Variants in HMX2 observed in about 807,000 individuals in gnomAD.
HMX2 encodes H6 family homeobox 2, also known as homeobox protein HMX2.
In HMX2, 15 loss-of-function variants were observed where a neutral mutation model predicts 21.2. That is an observed-to-expected ratio of 0.71 (90% CI 0.47 to 1.09). The LOEUF (loss-of-function observed/expected upper bound fraction) is 1.09. Ranked by LOEUF, HMX2 falls within the 50% of genes least tolerant of loss-of-function variation. HMX2 has a pLI of 0.00. For synonymous variants in HMX2, 193 were observed against 181.0 expected (o/e 1.07, Z -0.53); for missense variants, 440 against 381.5 (o/e 1.15, Z -1.28).
chr10:123,148,999 G>C lies in HMX2; in HGVS notation c.268+353G>C, dbSNP rs538195481. 1.4e-3 allele frequency among the ~76,000 whole-genome samples: 213 copies of C among 152,046 alleles called. 1 individual carries two copies. The highest frequency in any genetic ancestry group is 4.9e-3 in the African/African-American group (205 of 41,464). On this transcript the variant is annotated intron_variant, in intron 1 of 1. Coordinates refer to ENST00000339992, the MANE Select transcript of HMX2 (RefSeq NM_005519.2). ...AGGTGGAGATCTGCAAGTCGGGTCT[G>C]GGCAGTCTGTCTCCACCGTAATCTC...
rs764417839 is a variant in HMX2, at chr10:123,148,577, TGCCCAGACCAGCACG to T, written c.204_218del (p.Asp69_Pro73del). On this transcript the variant is annotated inframe_deletion, in exon 1 of 2. Transcript: ENST00000339992. ...CGGCTGGAAGGCGCCCGCCTGCTTC[TGCCCAGACCAGCACG>T]GCCCTAAGGAGCAGGGCCCCAAGCA... 6.8e-5 allele frequency: 110 copies of T among 1,613,472 alleles called. 2 individuals are homozygous for T. In the South Asian group the frequency reaches 1.1e-3, roughly 17 times the overall value.
rs1381897105 is a variant in HMX2 at position 123,150,098 on chromosome 10, A to G, written c.797A>G (p.Asn266Ser). 25 of 1,575,532 alleles carry G rather than the reference A, an allele frequency of 1.6e-5. No homozygotes were observed. The highest frequency in any genetic ancestry group is 2.1e-5 in the Non-Finnish European group (25 of 1,165,366). The change falls in exon 2 of 2, where the codon AAC becomes AGC. Residue 266 changes from asparagine to serine, a missense_variant. By Grantham distance (46) the Asn-to-Ser change is conservative. Transcript: ENST00000339992. This position sits in a 1 kb window ranked among gnomAD's most constrained non-coding sequence, Gnocchi z 4.2. Reference protein sequence around the residue: ...GSNLSALPLYNLYNKLDY With the variant: ...GSNLSALPLYSLYNKLDY ...AACCTCTCGGCCTTACCTCTCTACA[A>G]CCTATACAACAAGCTCGACTACTGA...
rs1844241465 is a variant in HMX2 at position 123,149,351 on chromosome 10, CAG to C, written c.269-215_269-214del. Among the ~76,000 whole-genome samples the C allele has an allele frequency of 6.6e-6, 1 of 152,200 alleles. No homozygotes were observed. Among genetic ancestry groups the C allele is most frequent in the South Asian group, 2.1e-4 (1 of 4,830 alleles). On this transcript the variant is annotated intron_variant, in intron 1 of 1. Coordinates refer to ENST00000339992, the MANE Select transcript of HMX2 (RefSeq NM_005519.2). The surrounding 1 kb of genome is among the most constrained non-coding windows in gnomAD (Gnocchi z 5.4). Reference sequence around the variant, plus strand: ...TGGCCCATTCATAAAGGTGGGAGCACAGAGACCCCATACTCCAAGTAGCTGGG... The same window carrying C: ...TGGCCCATTCATAAAGGTGGGAGCACAGACCCCATACTCCAAGTAGCTGGG...
chr10:123,150,234 C>A lies in HMX2; in HGVS notation c.*111C>A. ...GTGTTTCCAGAAATATGAAGAAATA[C>A]ACCATGTGTATTCATTAGCTCTTAT... On this transcript the variant is annotated 3_prime_UTR_variant, in exon 2 of 2. Transcript: ENST00000339992. The surrounding 1 kb of genome is among the most constrained non-coding windows in gnomAD (Gnocchi z 4.2). 1 of 873,482 alleles carries A rather than the reference C, an allele frequency of 1.1e-6. No individual in the cohort carries two copies. The highest frequency in any genetic ancestry group is 1.7e-6 in the Non-Finnish European group (1 of 586,784). The allele number at this position is 873,482 out of a possible 1,614,324, so 54.1% of individuals were successfully genotyped here.
Position 123,149,725 on chromosome 10 carries a change from G to A in HMX2, c.424G>A (p.Glu142Lys), listed in dbSNP as rs1324869911. ...GSERPRDGGA[E>K]RQAGAAKKKT... is the part of the protein sequence containing the mutation. ...CGAGCGGCCGCGGGACGGCGGCGCT[G>A]AGCGGCAGGCCGGCGCGGCCAAGAA... The change falls in exon 2 of 2, where the codon GAG becomes AAG. Residue 142 changes from glutamate to lysine, a missense_variant. By Grantham distance (56) the Glu-to-Lys change is moderately conservative (BLOSUM62 1). Coordinates refer to ENST00000339992, the MANE Select transcript of HMX2 (RefSeq NM_005519.2). The surrounding 1 kb of genome is among the most constrained non-coding windows in gnomAD (Gnocchi z 5.4). The A allele has an allele frequency of 1.3e-6, 2 of 1,544,176 alleles. No individual in the cohort carries two copies. The highest frequency in any genetic ancestry group is 2.1e-5 in the Admixed American group (1 of 48,428).
At position 123,149,941 on chromosome 10, in the gene HMX2, G is replaced by A; in HGVS notation, c.640G>A (p.Ala214Thr). 1 of 1,612,216 alleles carries A rather than the reference G, an allele frequency of 6.2e-7. No homozygotes were observed. The highest frequency in any genetic ancestry group is 8.5e-7 in the Non-Finnish European group (1 of 1,179,676). The stretch of plus-strand genomic sequence containing the variant: ...GCGGCAGCTCTCGGCTGAGCTGGAG[G>A]CGGCCAACATGGCGCACGCGTCGGC... The part of the protein sequence containing the change: ...WKRQLSAELE[A>T]ANMAHASAQT... Residue 214 changes from alanine to threonine, a missense_variant, in exon 2 of 2, where the codon GCG becomes ACG. By Grantham distance (58) the Ala-to-Thr change is moderately conservative. Coordinates refer to ENST00000339992, the MANE Select transcript of HMX2 (RefSeq NM_005519.2). This position sits in a 1 kb window ranked among gnomAD's most constrained non-coding sequence, Gnocchi z 5.4.
Position 123,149,782 on chromosome 10 carries a change from G to A in HMX2, c.481G>A (p.Val161Met). 1 of 1,606,580 alleles carries A rather than the reference G, an allele frequency of 6.2e-7. No individual in the cohort carries two copies. The highest frequency in any genetic ancestry group is 8.5e-7 in the Non-Finnish European group (1 of 1,176,290). ...KTRTVFSRSQVYQLESTFDMK... is the reference protein window; with the variant it reads ...KTRTVFSRSQMYQLESTFDMK... ...GCGCACCGTCTTTTCGCGCAGCCAG[G>A]TGTACCAGCTCGAGTCCACCTTCGA... Residue 161 changes from valine (V) to methionine (M), a missense_variant, in exon 2 of 2, where the codon GTG (valine) becomes ATG (methionine). Physicochemically the swap from Val to Met is conservative, Grantham distance 21. Transcript: ENST00000339992. This position sits in a 1 kb window ranked among gnomAD's most constrained non-coding sequence, Gnocchi z 5.4.
rs533498647 is a variant in HMX2, at chr10:123,150,296, C to T, written c.*173C>T. On this transcript the variant is annotated 3_prime_UTR_variant, in exon 2 of 2. Coordinates refer to ENST00000339992, the MANE Select transcript of HMX2 (RefSeq NM_005519.2). This position sits in a 1 kb window ranked among gnomAD's most constrained non-coding sequence, Gnocchi z 4.2. ...GCCCTACTTTTTGTTTTGATTGTTT[C>T]GGGTATTTATTGGCATTCCCTAAGT... The T allele has an allele frequency of 3.8e-4, 224 of 584,868 alleles. No homozygotes were observed. In the African/African-American group the frequency reaches 3.9e-3, roughly 10 times the overall value. The allele number at this position is 584,868 out of a possible 1,614,324, so 36.2% of individuals were successfully genotyped here.
Position 123,150,016 on chromosome 10 carries a change from C to A in HMX2, c.715C>A (p.Arg239Ser), listed in dbSNP as rs1191305875. ...GGTGTTCCGGGACAGTTCGCTGCTG[C>A]GCGTGCCGGTGCCGCGCTCGCTCGC... ...PLVFRDSSLL[R>S]VPVPRSLAFP... Residue 239 changes from arginine to serine, a missense_variant, in exon 2 of 2, where the codon CGC becomes AGC. Physicochemically the swap from Arg to Ser is moderately radical, Grantham distance 110. Coordinates refer to ENST00000339992, the MANE Select transcript of HMX2 (RefSeq NM_005519.2). This position sits in a 1 kb window ranked among gnomAD's most constrained non-coding sequence, Gnocchi z 4.2. The A allele has an allele frequency of 6.2e-7, 1 of 1,608,770 alleles. No individual in the cohort carries two copies. The highest frequency in any genetic ancestry group is 8.5e-7 in the Non-Finnish European group (1 of 1,178,688).
At position 123,148,457 on chromosome 10, in the gene HMX2, GGCGGGGGCCCCTCGGAGGCACC is replaced by G; in HGVS notation, c.85_106del (p.Gly29SerfsTer135). 6.2e-7 allele frequency: 1 copy of G among 1,613,228 alleles called. No homozygotes were observed. The highest frequency in any genetic ancestry group is 8.5e-7 in the Non-Finnish European group (1 of 1,179,576). On this transcript the variant is annotated frameshift_variant, in exon 1 of 2. Transcript: ENST00000339992. LOFTEE classifies it high-confidence loss of function. ...CAGCTTCACCATCCAGTCCATCCTG[GGCGGGGGCCCCTCGGAGGCACC>G]GCGGGAGCCCGTCGGCTGGCCAGCC... is the stretch of plus-strand genomic sequence containing the variant.
chr10:123,148,694 G>A (rs771719692), intron 1 of HMX2, 48 bp downstream of exon 1: 54 of 1,577,524 alleles, frequency 3.4e-5, no homozygotes, highest in Non-Finnish European at 4.1e-5. Flanking sequence ...CGCGAGGGGA[G>A]GGAGGCTGAG....
Position 123,149,795 on chromosome 10 carries a change from A to G in HMX2, c.494A>G (p.Glu165Gly). 11 of 1,610,424 alleles carry G rather than the reference A, an allele frequency of 6.8e-6. No homozygotes were observed. Among genetic ancestry groups the G allele is most frequent in the South Asian group, 1.1e-5 (1 of 90,864 alleles). ...VFSRSQVYQL[E>G]STFDMKRYLS... ...TCGCGCAGCCAGGTGTACCAGCTCG[A>G]GTCCACCTTCGACATGAAGCGCTAC... Residue 165 changes from glutamate (E) to glycine (G), a missense_variant, in exon 2 of 2, where the codon GAG becomes GGG. Glu to Gly is a moderately conservative substitution (Grantham distance 98). Coordinates refer to ENST00000339992, the MANE Select transcript of HMX2 (RefSeq NM_005519.2). This position sits in a 1 kb window ranked among gnomAD's most constrained non-coding sequence, Gnocchi z 5.4.
Position 123,150,199 on chromosome 10 carries a change from G to A in HMX2, c.*76G>A. 8.0e-7 allele frequency: 1 copy of A among 1,247,956 alleles called. No homozygotes were observed. The highest frequency in any genetic ancestry group is 1.1e-6 in the Non-Finnish European group (1 of 927,236). 77.3% of individuals were successfully genotyped at this position (1,247,956 alleles called of 1,614,324 possible). On this transcript the variant is annotated 3_prime_UTR_variant, in exon 2 of 2. Coordinates refer to ENST00000339992, the MANE Select transcript of HMX2 (RefSeq NM_005519.2). This position sits in a 1 kb window ranked among gnomAD's most constrained non-coding sequence, Gnocchi z 4.2. ...ACTGTACTGTAAGCAGGGCTCCGGAGCAAGGCGGCGTGTTTCCAGAAATAT... is the reference window on the plus strand; with the variant it reads ...ACTGTACTGTAAGCAGGGCTCCGGAACAAGGCGGCGTGTTTCCAGAAATAT...
At chr10:123,148,730 G>C (rs1157298959) in intron 1 of HMX2, 84 bp downstream of exon 1, 5 of 1,511,944 alleles carry the variant, frequency 3.3e-6, no homozygotes, top group Non-Finnish European at 3.5e-6. Flanking sequence ...CCCGCGCCGG[G>C]CCCCCTCTGG....
chr10:123,148,203 G>A lies in HMX2; in HGVS notation c.-176G>A, dbSNP rs947418019. The A allele has an allele frequency of 9.6e-5, 64 of 664,344 alleles. No homozygotes were observed. The highest frequency in any genetic ancestry group is 1.5e-4 in the East Asian group (5 of 33,346). 41.2% of individuals were successfully genotyped at this position (664,344 alleles called of 1,614,324 possible). A position where few individuals can be genotyped will look rare whatever the true frequency, so the allele number is the denominator to read the frequency against. On this transcript the variant is annotated 5_prime_UTR_variant, in exon 1 of 2. Transcript: ENST00000339992. ...GGCAGGAACCCCTGCGCAGCCATCC[G>A]GTGCCTGCATGTCCCTGGCGCGGAA...
At position 123,149,234 on chromosome 10, in the gene HMX2, G is replaced by A. The variant is rs941516496; in HGVS notation, c.269-336G>A. Among the ~76,000 whole-genome samples the A allele has an allele frequency of 6.6e-6, 1 of 152,128 alleles. No homozygotes were observed. Among genetic ancestry groups the A allele is most frequent in the Non-Finnish European group, 1.5e-5 (1 of 68,030 alleles). ...AATGATGCCACCCTATAAAGCTCGAGGAACTCTTCCAGCTCAATTACCACC... is the reference window on the plus strand; with the variant it reads ...AATGATGCCACCCTATAAAGCTCGAAGAACTCTTCCAGCTCAATTACCACC... On this transcript the variant is annotated intron_variant, in intron 1 of 1. Transcript: ENST00000339992. This position sits in a 1 kb window ranked among gnomAD's most constrained non-coding sequence, Gnocchi z 5.4.
At position 123,149,538 on chromosome 10, in the gene HMX2, CCAT is replaced by C; in HGVS notation, c.269-31_269-29del. On this transcript the variant is annotated intron_variant, in intron 1 of 1. Transcript: ENST00000339992. This position sits in a 1 kb window ranked among gnomAD's most constrained non-coding sequence, Gnocchi z 5.4. ...GGTCTCCGAGGCTCCCCAACCAACT[CCAT>C]GGCCTTTCTGTCTGTTCTCGCTCCT... The C allele has an allele frequency of 7.1e-7, 1 of 1,418,418 alleles. No individual in the cohort carries two copies. Among genetic ancestry groups the C allele is most frequent in the Non-Finnish European group, 9.2e-7 (1 of 1,086,272 alleles). 87.9% of individuals were successfully genotyped at this position (1,418,418 alleles called of 1,614,324 possible).
rs1280060832 is a variant in HMX2 at position 123,149,109 on chromosome 10, T to A, written c.269-461T>A. On this transcript the variant is annotated intron_variant, in intron 1 of 1. Coordinates refer to ENST00000339992, the MANE Select transcript of HMX2 (RefSeq NM_005519.2). This position sits in a 1 kb window ranked among gnomAD's most constrained non-coding sequence, Gnocchi z 5.4. ...GGAATGATTAGCACTCCAAGATGAT[T>A]GACAATGGTGCATTTCAGAGACGGT... Among the ~76,000 whole-genome samples, 1 of 152,208 alleles carries A rather than the reference T, an allele frequency of 6.6e-6. No individual in the cohort carries two copies. Among genetic ancestry groups the A allele is most frequent in the Non-Finnish European group, 1.5e-5 (1 of 68,034 alleles).
rs914122942 is a variant in HMX2 at position 123,149,701 on chromosome 10, G to C, written c.400G>C (p.Glu134Gln). The change falls in exon 2 of 2, where the codon GAG becomes CAG. Residue 134 changes from glutamate to glutamine, a missense_variant. Transcript: ENST00000339992. This position sits in a 1 kb window ranked among gnomAD's most constrained non-coding sequence, Gnocchi z 5.4. Reference sequence around the variant, plus strand: ...CGCGGGCTCGCCCTCGCCGGGGTCCGAGCGGCCGCGGGACGGCGGCGCTGA... The same window carrying C: ...CGCGGGCTCGCCCTCGCCGGGGTCCCAGCGGCCGCGGGACGGCGGCGCTGA... ...LPAGSPSPGS[E>Q]RPRDGGAERQ... 1.9e-6 allele frequency: 3 copies of C among 1,565,440 alleles called. No individual in the cohort carries two copies. Among genetic ancestry groups the C allele is most frequent in the Non-Finnish European group, 2.6e-6 (3 of 1,161,176 alleles).
Sources: gnomAD v4.1 joint callset for allele counts (sites outside exome capture counted in the v4.1 genomes callset) on GRCh38, gnomAD v4.1.1 for gene constraint, Gnocchi (gnomAD v3.1) non-coding constraint, MANE v1.5 for transcripts, NCBI Gene and HGNC (gene_info 2026-07-23, HGNC 2026-07-21) for gene names.